Variants in PLXDC2 observed in about 807,000 individuals in gnomAD.
PLXDC2 encodes the protein plexin domain-containing protein 2.
Under a neutral mutation model 68.9 loss-of-function variants are expected in PLXDC2, and 40 were observed. The observed-to-expected ratio is 0.58, with a 90% CI of 0.45 to 0.76. PLXDC2 has a LOEUF of 0.76. Ranked by LOEUF, PLXDC2 falls within the 30% of genes least tolerant of loss-of-function variation. The probability of loss-of-function intolerance (pLI) is 0.00; values close to 1 mark genes in which losing one functional copy is unlikely to be tolerated. For missense variants in PLXDC2, 644 were observed against 661.9 expected (o/e 0.97, Z 0.30); for synonymous variants, 243 against 234.2 (o/e 1.04, Z -0.34).
At chr10:20,250,748 C>G (rs1335394828) in intron 13 of PLXDC2, among the ~76,000 whole-genome samples, 1 of 152,030 alleles carries the variant, frequency 6.6e-6, no homozygotes, top group African/African-American at 2.4e-5. Context: ...GAACAGATTT[C>G]CAGAAGTAGA....
At chr10:20,004,621 T>G (rs981061173) in intron 2 of PLXDC2, among the ~76,000 whole-genome samples, 2 of 152,194 alleles carry the variant, frequency 1.3e-5, no homozygotes, top group Non-Finnish European at 2.9e-5. Flanking sequence ...CCCCTAAGTA[T>G]GTAAAGACTT....
chr10:19,861,840 G>A (rs1837324602), intron 1 of PLXDC2, among the ~76,000 whole-genome samples: 1 of 152,180 alleles, frequency 6.6e-6, no homozygotes, highest in Non-Finnish European at 1.5e-5. Flanking sequence ...GGACTCTGAA[G>A]TTGATGGCTG....
chr10:19,935,127 A>G (rs908252087), intron 1 of PLXDC2, among the ~76,000 whole-genome samples: 1 of 152,198 alleles, frequency 6.6e-6, no homozygotes, highest in East Asian at 1.9e-4. Context: ...CCTCTTTGCA[A>G]CTACTGCACA....
chr10:20,094,705 TC>T (rs1205205223), intron 4 of PLXDC2, among the ~76,000 whole-genome samples: 6 of 152,216 alleles, frequency 3.9e-5, no homozygotes, highest in Admixed American at 1.3e-4. Flanking sequence ...ACCTTTTCTT[TC>T]TTTTCCTTTC....
intron 1 of PLXDC2, among the ~76,000 whole-genome samples, chr10:19,981,519 T>G (rs1834548972): frequency 6.6e-6 from 1 of 152,192 alleles, no homozygotes. Flanking sequence ...TGCAGCAGAA[T>G]CTTAGCAGAA....
At chr10:20,098,357 A>ATGTGTGTGTGTGTGTGTGTGTGTGTG (rs35209594) in intron 4 of PLXDC2, among the ~76,000 whole-genome samples, 9 of 145,492 alleles carry the variant, frequency 6.2e-5, no homozygotes, top group Non-Finnish European at 1.3e-4. Flanking sequence ...GTGTGTGTGT[A>ATGTGTGTGTGTGTGTGTGTGTGTGTG]TGTGTGTGTG....
intron 4 of PLXDC2, among the ~76,000 whole-genome samples, chr10:20,132,034 A>G (rs1283991838): frequency 1.3e-5 from 2 of 152,124 alleles, no homozygotes; most frequent in Admixed American, 6.5e-5. Context: ...TAAAATTTGG[A>G]AAGTTATATT....
chr10:19,996,253 C>A (rs1834841431), intron 1 of PLXDC2, among the ~76,000 whole-genome samples: 1 of 152,018 alleles, frequency 6.6e-6, no homozygotes, highest in African/African-American at 2.4e-5. Flanking sequence ...CCAGCCTGGG[C>A]AACAAAATGA....
At chr10:19,903,275 A>G (rs901429998) in intron 1 of PLXDC2, among the ~76,000 whole-genome samples, 3 of 150,702 alleles carry the variant, frequency 2.0e-5, no homozygotes, top group Non-Finnish European at 4.4e-5. Flanking sequence ...TGAATGTCTC[A>G]TAGAATTCAG....
At position 20,209,793 on chromosome 10, in the gene PLXDC2, G is replaced by A. The variant is rs181992529; in HGVS notation, c.1062-1876G>A. Among the ~76,000 whole-genome samples, 171 of 152,238 alleles carry A rather than the reference G, an allele frequency of 1.1e-3. 1 individual carries two copies. The highest frequency in any genetic ancestry group is 3.5e-3 in the African/African-American group (145 of 41,560). ...GCGACATACATCCTCCTCAGCTTACGAAGATGACAGGATTAAGAGATTAAA... is the reference window on the plus strand; with the variant it reads ...GCGACATACATCCTCCTCAGCTTACAAAGATGACAGGATTAAGAGATTAAA... On this transcript the variant is annotated intron_variant, in intron 9 of 13. Coordinates refer to ENST00000377252, the MANE Select transcript of PLXDC2 (RefSeq NM_032812.9).
At position 20,085,543 on chromosome 10, in the gene PLXDC2, C is replaced by A. The variant is rs998041390; in HGVS notation, c.541+17304C>A. Among the ~76,000 whole-genome samples, 5 of 152,102 alleles carry A rather than the reference C, an allele frequency of 3.3e-5. 1 individual carries two copies. In the South Asian group the frequency reaches 1.0e-3, roughly 32 times the overall value. Reference sequence around the variant, plus strand: ...GATTGTTTCATTTTAGTAAAAATAGCAACATTTTCTAATGTTTCAAATTTC... The same window carrying A: ...GATTGTTTCATTTTAGTAAAAATAGAAACATTTTCTAATGTTTCAAATTTC... On this transcript the variant is annotated intron_variant, in intron 4 of 13. Transcript: ENST00000377252.
At chr10:20,019,869 GA>G (rs1004143398) in intron 2 of PLXDC2, among the ~76,000 whole-genome samples, 53 of 152,090 alleles carry the variant, frequency 3.5e-4, no homozygotes, top group African/African-American at 1.3e-3. Context: ...TATATATGTG[GA>G]AAAATGTTCT....
intron 1 of PLXDC2, among the ~76,000 whole-genome samples, chr10:19,904,269 C>T (rs1267960386): frequency 6.6e-6 from 1 of 152,124 alleles, no homozygotes; most frequent in East Asian, 1.9e-4. Flanking sequence ...CTGTCTAGTG[C>T]AGTCAGTGGA....
chr10:20,066,754 C>T (rs1187923984), intron 3 of PLXDC2, among the ~76,000 whole-genome samples: 1 of 152,038 alleles, frequency 6.6e-6, no homozygotes, highest in Non-Finnish European at 1.5e-5. Flanking sequence ...AATTAGAAAT[C>T]GTGATGGCTA....
intron 1 of PLXDC2, among the ~76,000 whole-genome samples, chr10:19,951,822 A>G (rs1244678910): frequency 6.6e-6 from 1 of 152,254 alleles, no homozygotes; most frequent in Non-Finnish European, 1.5e-5. Context: ...GCCATAAAAA[A>G]GAACAAAATT....
intron 1 of PLXDC2, among the ~76,000 whole-genome samples, chr10:19,871,613 G>A (rs1837535021): frequency 6.6e-6 from 1 of 151,916 alleles, no homozygotes; most frequent in African/African-American, 2.4e-5. Flanking sequence ...CTTATATTGG[G>A]CCAGATGCAT....
At chr10:20,225,602 T>G (rs1229813150) in intron 12 of PLXDC2, among the ~76,000 whole-genome samples, 1 of 152,226 alleles carries the variant, frequency 6.6e-6, no homozygotes, top group African/African-American at 2.4e-5. Context: ...TACTTTACAA[T>G]GTTAATTTGA....
intron 1 of PLXDC2, among the ~76,000 whole-genome samples, chr10:19,887,977 C>G (rs775115638): frequency 1.2e-4 from 18 of 152,312 alleles, no homozygotes; most frequent in Non-Finnish European, 1.8e-4. Flanking sequence ...TACATTCTGT[C>G]ATGTATAATT....
rs1036186731 is a variant in PLXDC2 at position 20,177,103 on chromosome 10, A to G, written c.979+9A>G. On this transcript the variant is annotated intron_variant, in intron 8 of 13. Transcript: ENST00000377252. ...GATGACCCCATTACCCAGTAAGCGA[A>G]TATGTAAACCTAGGTGGAAAACATG... The G allele has an allele frequency of 6.3e-7, 1 of 1,581,396 alleles. No individual in the cohort carries two copies. The highest frequency in any genetic ancestry group is 8.7e-7 in the Non-Finnish European group (1 of 1,151,590).
Sources: gnomAD v4.1 joint callset for allele counts (sites outside exome capture counted in the v4.1 genomes callset) on GRCh38, gnomAD v4.1.1 for gene constraint, MANE v1.5 for transcripts, NCBI Gene and HGNC (gene_info 2026-07-23, HGNC 2026-07-21) for gene names.